Variants in RIF1 observed in about 807,000 individuals in gnomAD.
RIF1 encodes telomere-associated protein RIF1.
In RIF1, 45 loss-of-function variants were observed where a neutral mutation model predicts 247.1. The observed-to-expected ratio is 0.18, with a 90% CI of 0.14 to 0.23. The LOEUF is 0.23. RIF1 is among the 10% of genes least tolerant of loss of function. RIF1 has a pLI of 1.00. For synonymous variants in RIF1, 1,087 were observed against 978.8 expected, an observed-to-expected ratio of 1.11 and a Z score of -2.06; for missense variants, 2,967 against 2,862.5, an observed-to-expected ratio of 1.04 and a Z score of -0.83.
At chr2:151,410,075 C>T (rs1374313442) in intron 1 of RIF1, 42 bp downstream of exon 1, 1 of 701,806 alleles carries the variant, frequency 1.4e-6, no homozygotes, top group South Asian at 1.5e-5. Flanking sequence ...CCGCGGGGAA[C>T]CCTCAGTCTG....
chr2:151,468,222 A>C, intron 31 of RIF1, 76 bp downstream of exon 31: 1 of 1,338,724 alleles, frequency 7.5e-7, no homozygotes, highest in Non-Finnish European at 1.0e-6. Context: ...TCATAAAATG[A>C]ACTATATATG....
chr2:151,514,564 G>C, the RIF1 span: 3 of 715,312 alleles, frequency 4.2e-6, no homozygotes, highest in Non-Finnish European at 7.3e-6. Context: ...ATACAGGCAG[G>C]GTATAAGCAT....
chr2:151,418,167 A>G (rs1687537252), intron 6 of RIF1, among the ~76,000 whole-genome samples: 1 of 152,184 alleles, frequency 6.6e-6, no homozygotes, highest in South Asian at 2.1e-4. Context: ...GCTATACTAA[A>G]TCTATAAAAA....
chr2:151,410,205 C>T, intron 1 of RIF1, 172 bp downstream of exon 1: 1 of 635,748 alleles, frequency 1.6e-6, no homozygotes, highest in South Asian at 1.8e-5. Flanking sequence ...GGGCCCAGGC[C>T]CGAATGTGGC....
At position 151,475,912 on chromosome 2, in the gene RIF1, A is replaced by T. The variant is rs2048906032; in HGVS notation, c.*841A>T. 6.6e-6 allele frequency: 1 copy of T among 152,646 alleles called. No individual in the cohort carries two copies. Among genetic ancestry groups the T allele is most frequent in the Admixed American group, 6.5e-5 (1 of 15,282 alleles). 9.5% of individuals were successfully genotyped at this position (152,646 alleles called of 1,614,324 possible). A position where few individuals can be genotyped will look rare whatever the true frequency, so the allele number is the denominator to read the frequency against. On this transcript the variant is annotated 3_prime_UTR_variant, in exon 36 of 36. Coordinates refer to ENST00000444746, the MANE Select transcript of RIF1 (RefSeq NM_018151.5). ...ATTAAATACTGAAATATCAGTATCG[A>T]CGGTGGAAGTGCTTCATGGGCTTGC...
chr2:151,499,610 A>G (rs1338167235), intron 11 of RIF1: 1 of 362,482 alleles, frequency 2.8e-6, no homozygotes, highest in East Asian at 5.6e-5. Context: ...TTTTATTGTA[A>G]CTTGAATATA....
At position 151,506,896 on chromosome 2, in the gene RIF1, A is replaced by G. The variant is rs1281881893; in HGVS notation, c.*1027+521A>G. 3 of 1,540,518 alleles carry G rather than the reference A, an allele frequency of 1.9e-6. No individual in the cohort carries two copies. Among genetic ancestry groups the G allele is most frequent in the Non-Finnish European group, 2.7e-6 (3 of 1,115,458 alleles). Reference sequence around the variant, plus strand: ...TAGGTTAGCATTAAATGCAAAATAAATAGTAAATATACCGAGCTGAAATTC... The same window carrying G: ...TAGGTTAGCATTAAATGCAAAATAAGTAGTAAATATACCGAGCTGAAATTC... On this transcript the variant is annotated intron_variant and NMD_transcript_variant, in intron 13 of 13. Coordinates refer to the RIF1 transcript ENST00000454583.
chr2:151,505,633 C>T lies in RIF1; in HGVS notation c.*862-577C>T. The T allele has an allele frequency of 3.0e-6, 4 of 1,341,688 alleles. No homozygotes were observed. In the Admixed American group the frequency reaches 6.7e-5, roughly 23 times the overall value. 83.1% of individuals were successfully genotyped at this position (1,341,688 alleles called of 1,614,324 possible). A position where few individuals can be genotyped will look rare whatever the true frequency, so the allele number is the denominator to read the frequency against. ...CATGCTGGACTGTTATTCTTCCCAA[C>T]ATGTACATGTTTTTTGTAGCCCCCA... On this transcript the variant is annotated intron_variant and NMD_transcript_variant, in intron 12 of 13. Transcript: ENST00000454583.
At chr2:151,490,220 C>T in intron 9 of RIF1, 2 of 1,180,170 alleles carry the variant, frequency 1.7e-6, no homozygotes, top group Non-Finnish European at 2.4e-6. Flanking sequence ...AAACATCTAA[C>T]TTCATGCAGC....
chr2:151,490,543 A>T, intron 9 of RIF1: 1 of 1,603,568 alleles, frequency 6.2e-7, no homozygotes. Context: ...GTTGGGGGAG[A>T]TGTAGCAAAC....
At chr2:151,417,945 A>T (rs1687495081) in intron 6 of RIF1, among the ~76,000 whole-genome samples, 1 of 152,178 alleles carries the variant, frequency 6.6e-6, no homozygotes, top group Non-Finnish European at 1.5e-5. Flanking sequence ...TTCTAACACG[A>T]TACTATTTGT....
chr2:151,464,108 G>A lies in RIF1; in HGVS notation c.4588G>A (p.Val1530Ile). The A allele has an allele frequency of 6.2e-7, 1 of 1,612,594 alleles. No individual in the cohort carries two copies. Among genetic ancestry groups the A allele is most frequent in the South Asian group, 1.1e-5 (1 of 90,744 alleles). Residue 1530 changes from valine to isoleucine, a missense_variant, in exon 30 of 36, where the codon GTC becomes ATC. Transcript: ENST00000444746. ...DIVDKSSEKL[V>I]RGRTRYQTRR... is the part of the protein sequence containing the mutation. Reference sequence around the variant, plus strand: ...TGTAGATAAGTCCTCTGAGAAACTAGTCAGAGGCCGAACACGGTATCAAAC... The same window carrying A: ...TGTAGATAAGTCCTCTGAGAAACTAATCAGAGGCCGAACACGGTATCAAAC...
At chr2:151,515,365 T>G in the RIF1 span, among the ~76,000 whole-genome samples, 1 of 152,188 alleles carries the variant, frequency 6.6e-6, no homozygotes, top group Non-Finnish European at 1.5e-5. Flanking sequence ...AATGCTAACT[T>G]GCTTTTTTTC....
chr2:151,442,183 C>T (rs934925836), intron 16 of RIF1, among the ~76,000 whole-genome samples, 192 bp downstream of exon 16: 1 of 151,652 alleles, frequency 6.6e-6, no homozygotes, highest in Non-Finnish European at 1.5e-5. Context: ...TCAAGCTATT[C>T]TCCTGCCTCA....
Position 151,468,023 on chromosome 2 carries a change from T to C in RIF1, c.6624T>C (p.Asp2208=). 6.2e-7 allele frequency: 1 copy of C among 1,613,000 alleles called. No homozygotes were observed. Residue 2208 remains aspartate, a synonymous_variant, in exon 31 of 36, where the codon GAT becomes GAC. Coordinates refer to ENST00000444746, the MANE Select transcript of RIF1 (RefSeq NM_018151.5). The part of the protein sequence containing the change: ...VNKVRRVSFA[D]PIYQAGLADD... ...AGGTTCGCCGTGTCTCCTTTGCAGA[T>C]CCAATATACCAAGCAGGATTGGCAG...
intron 10 of RIF1, chr2:151,497,742 A>AAAAAC: frequency 6.4e-7 from 1 of 1,558,596 alleles, no homozygotes. Flanking sequence ...AAGCATCCAG[A>AAAAAC]AAAACAACCA....
At chr2:151,474,760 T>C (rs1044352750) in intron 35 of RIF1, 97 bp from the exon 36 acceptor site, 17 of 726,206 alleles carry the variant, frequency 2.3e-5, no homozygotes, top group Non-Finnish European at 3.5e-5. Flanking sequence ...CTCTCTCAAT[T>C]TGAAACCTAG....
intron 18 of RIF1, among the ~76,000 whole-genome samples, chr2:151,444,862 T>G (rs1459833036): frequency 6.6e-6 from 1 of 152,202 alleles, no homozygotes; most frequent in Non-Finnish European, 1.5e-5. Context: ...AACTGGTGAC[T>G]TAAAACTACA....
chr2:151,490,646 C>G (rs1372555886), intron 9 of RIF1: 1 of 1,105,690 alleles, frequency 9.0e-7, no homozygotes, highest in Non-Finnish European at 1.3e-6. Context: ...TCCCATGGGT[C>G]AAACCCTCAC....
Sources: gnomAD v4.1 joint callset for allele counts (sites outside exome capture counted in the v4.1 genomes callset) on GRCh38, gnomAD v4.1.1 for gene constraint, MANE v1.5 for transcripts, NCBI Gene and HGNC (gene_info 2026-07-23, HGNC 2026-07-21) for gene names.